C8orf34: variants seen among roughly 807,000 people sequenced by gnomAD.
The protein encoded by C8orf34 is chromosome 8 open reading frame 34, also known as uncharacterized protein C8orf34.
C8orf34 carries 65 observed loss-of-function variants against 68.3 expected under a neutral mutation model. The observed-to-expected ratio is 0.95, with a 90% CI of 0.78 to 1.17. The LOEUF (loss-of-function observed/expected upper bound fraction) is 1.17. Ranked by LOEUF, C8orf34 falls within the 50% of genes most tolerant of loss-of-function variation. C8orf34 has a pLI of 0.00. For missense variants in C8orf34, 664 were observed against 655.4 expected, an observed-to-expected ratio of 1.01 and a Z score of -0.14; for synonymous variants, 244 against 241.2, an observed-to-expected ratio of 1.01 and a Z score of -0.11.
chr8:68,571,982 C>T (rs909735542), intron 7 of C8orf34, among the ~76,000 whole-genome samples: 1 of 152,084 alleles, frequency 6.6e-6, no homozygotes, highest in Non-Finnish European at 1.5e-5. Flanking sequence ...CTACATGTTA[C>T]AGTCTACTAC....
chr8:68,517,323 A>C (rs952811237), intron 5 of C8orf34, among the ~76,000 whole-genome samples: 3 of 152,178 alleles, frequency 2.0e-5, no homozygotes. Context: ...CTATATTCAA[A>C]ATTTTTCAGA....
intron 8 of C8orf34, among the ~76,000 whole-genome samples, chr8:68,690,597 A>G (rs961844783): frequency 6.6e-6 from 1 of 151,986 alleles, no homozygotes; most frequent in Non-Finnish European, 1.5e-5. Flanking sequence ...CACCTCTTCT[A>G]TAAGGTCACT....
intron 7 of C8orf34, among the ~76,000 whole-genome samples, chr8:68,614,254 A>G (rs74673336): frequency 1.3e-5 from 2 of 151,444 alleles, no homozygotes; most frequent in Admixed American, 1.3e-4. Flanking sequence ...GTTCACTCTG[A>G]TGGTAGTTTC....
chr8:68,548,674 G>A (rs1393804504), intron 7 of C8orf34, among the ~76,000 whole-genome samples: 1 of 151,676 alleles, frequency 6.6e-6, no homozygotes, highest in Non-Finnish European at 1.5e-5. Flanking sequence ...GTCATTCCTA[G>A]ATATTTTCCC....
chr8:68,558,722 A>G (rs991687537), intron 7 of C8orf34, among the ~76,000 whole-genome samples: 2 of 152,152 alleles, frequency 1.3e-5, no homozygotes, highest in African/African-American at 4.8e-5. Context: ...TTGTAGAAGG[A>G]TATCAGTGCT....
chr8:68,695,839 A>C (rs942089589), intron 8 of C8orf34: 2 of 151,924 alleles, frequency 1.3e-5, no homozygotes, highest in African/African-American at 4.8e-5. Context: ...TCTATCTATC[A>C]TCTATCCATC....
At chr8:68,688,478 C>T (rs1296088574) in intron 8 of C8orf34, among the ~76,000 whole-genome samples, 1 of 151,970 alleles carries the variant, frequency 6.6e-6, no homozygotes, top group Non-Finnish European at 1.5e-5. Flanking sequence ...TGGGTATATA[C>T]CCAAAGGAAT....
intron 10 of C8orf34, among the ~76,000 whole-genome samples, chr8:68,760,898 T>C (rs1823006199): frequency 6.6e-6 from 1 of 152,202 alleles, no homozygotes; most frequent in Admixed American, 6.5e-5. Context: ...CAATGGTTGG[T>C]TTCATTTCCT....
chr8:68,350,013 G>A (rs1563368515), intron 1 of C8orf34, among the ~76,000 whole-genome samples: 1 of 151,480 alleles, frequency 6.6e-6, no homozygotes, highest in South Asian at 2.1e-4. Context: ...CTAGCTTTGG[G>A]GTTGACTTGT....
chr8:68,519,666 A>G (rs555939657), intron 5 of C8orf34, among the ~76,000 whole-genome samples: 8 of 152,242 alleles, frequency 5.3e-5, no homozygotes, highest in African/African-American at 1.2e-4. Flanking sequence ...TTATGAAAAT[A>G]TTAGTCCTGA....
intron 12 of C8orf34, among the ~76,000 whole-genome samples, chr8:68,788,742 C>A (rs1823911294): frequency 6.6e-6 from 1 of 152,016 alleles, no homozygotes; most frequent in African/African-American, 2.4e-5. Flanking sequence ...ACCTGTAGTC[C>A]CAGCTCCTTG....
intron 7 of C8orf34, among the ~76,000 whole-genome samples, chr8:68,588,412 A>G (rs770062703): frequency 2.6e-5 from 4 of 152,176 alleles, no homozygotes; most frequent in Admixed American, 6.5e-5. Flanking sequence ...TAAAATATTA[A>G]CATTTTCAAC....
At chr8:68,421,378 C>T (rs1809963573) in intron 1 of C8orf34, among the ~76,000 whole-genome samples, 1 of 152,126 alleles carries the variant, frequency 6.6e-6, no homozygotes, top group African/African-American at 2.4e-5. Context: ...CTGGAACTAC[C>T]AACAGGTATA....
intron 8 of C8orf34, among the ~76,000 whole-genome samples, chr8:68,649,292 T>C (rs918917370): frequency 6.6e-6 from 1 of 152,210 alleles, no homozygotes; most frequent in African/African-American, 2.4e-5. Flanking sequence ...AGCATTACTC[T>C]GTGTCAGATA....
intron 3 of C8orf34, among the ~76,000 whole-genome samples, chr8:68,451,470 C>A (rs1811342451): frequency 6.6e-6 from 1 of 152,040 alleles, no homozygotes; most frequent in African/African-American, 2.4e-5. Flanking sequence ...CTATCTTTTG[C>A]AGAGACCTGC....
intron 12 of C8orf34, among the ~76,000 whole-genome samples, chr8:68,809,672 T>C (rs2953962): frequency 0.49 from 74,283 of 152,066 alleles, 20,555 homozygotes; most frequent in African/African-American, 0.76. Flanking sequence ...GGACCCAGTG[T>C]TATACCATCA....
chr8:68,635,006 C>G (rs1818794406), intron 7 of C8orf34, among the ~76,000 whole-genome samples: 2 of 152,140 alleles, frequency 1.3e-5, no homozygotes, highest in Admixed American at 6.6e-5. Flanking sequence ...TCTGTTCTCC[C>G]ACACTGTGAT....
intron 4 of C8orf34, among the ~76,000 whole-genome samples, chr8:68,469,120 C>G (rs1467480078): frequency 6.6e-6 from 1 of 151,952 alleles, no homozygotes; most frequent in Non-Finnish European, 1.5e-5. Flanking sequence ...CTTCTTCATT[C>G]TTTTCTTTGG....
chr8:68,589,377 AAAAG>A (rs1817299930), intron 7 of C8orf34, among the ~76,000 whole-genome samples: 1 of 152,014 alleles, frequency 6.6e-6, no homozygotes, highest in Non-Finnish European at 1.5e-5. Flanking sequence ...GAACGGGAGA[AAAAG>A]AAAGAGGGGA....
Sources: gnomAD v4.1 joint callset for allele counts (sites outside exome capture counted in the v4.1 genomes callset) on GRCh38, gnomAD v4.1.1 for gene constraint, MANE v1.5 for transcripts, NCBI Gene and HGNC (gene_info 2026-07-23, HGNC 2026-07-21) for gene names.